Variants in MBNL2 observed in about 807,000 individuals in gnomAD.
The protein encoded by MBNL2 is muscleblind-like protein 2.
MBNL2 carries 17 observed loss-of-function variants against 41.9 expected under a neutral mutation model. The observed-to-expected ratio is 0.41, with a 90% confidence interval of 0.28 to 0.61. MBNL2 has a LOEUF of 0.61. Ranked by LOEUF, MBNL2 falls within the 20% of genes least tolerant of loss-of-function variation. MBNL2 has a pLI of 0.35. For synonymous variants in MBNL2, 195 were observed against 182.9 expected (o/e 1.07, Z -0.53); for missense variants, 336 against 505.6 (o/e 0.66, Z 3.22).
chr13:97,236,513 C>CTT (rs202101299), intron 1 of MBNL2, among the ~76,000 whole-genome samples: 34 of 138,042 alleles, frequency 2.5e-4, no homozygotes, highest in Admixed American at 8.7e-4. Flanking sequence ...GATATGTGGT[C>CTT]TTTTTTTTTT....
At chr13:97,337,607 C>T (rs1668033353) in intron 3 of MBNL2, among the ~76,000 whole-genome samples, 1 of 152,188 alleles carries the variant, frequency 6.6e-6, no homozygotes, top group Admixed American at 6.5e-5. Flanking sequence ...CCTCTGAGCC[C>T]CAGGCTCACA....
intron 2 of MBNL2, 127 bp downstream of exon 2, chr13:97,276,536 G>T (rs1308546300): frequency 1.7e-5 from 15 of 903,404 alleles, no homozygotes; most frequent in Admixed American, 4.9e-5. Flanking sequence ...TGTGGTGACT[G>T]TTGGGAGATT....
At chr13:97,207,213 A>C in the MBNL2 span, among the ~76,000 whole-genome samples, 1 of 152,228 alleles carries the variant, frequency 6.6e-6, no homozygotes, top group East Asian at 1.9e-4. Context: ...AGGTTAGGGG[A>C]TAGTCTTAAA....
At chr13:97,251,173 C>A (rs544627571) in intron 1 of MBNL2, among the ~76,000 whole-genome samples, 2 of 148,024 alleles carry the variant, frequency 1.4e-5, no homozygotes, top group Non-Finnish European at 3.0e-5. Context: ...ATGTAGAATG[C>A]GTGAGATCTA....
chr13:97,300,361 G>A (rs899995391), intron 2 of MBNL2, among the ~76,000 whole-genome samples: 2 of 152,160 alleles, frequency 1.3e-5, no homozygotes, highest in East Asian at 1.9e-4. Flanking sequence ...CATCCCCAAC[G>A]TTTTTGGCAT....
the MBNL2 span, among the ~76,000 whole-genome samples, chr13:97,204,560 T>C: frequency 6.6e-6 from 1 of 152,222 alleles, no homozygotes; most frequent in Non-Finnish European, 1.5e-5. Flanking sequence ...GAAGCATTTA[T>C]TTGCATAAAT....
chr13:97,170,105 A>C, the MBNL2 span, among the ~76,000 whole-genome samples: 1 of 152,208 alleles, frequency 6.6e-6, no homozygotes, highest in Non-Finnish European at 1.5e-5. Context: ...ATAGGGTTAC[A>C]TTGACCCCTT....
chr13:97,157,893 A>G, the MBNL2 span, among the ~76,000 whole-genome samples: 9 of 150,586 alleles, frequency 6.0e-5, no homozygotes, highest in Admixed American at 4.7e-4. Context: ...TTGGTATCAG[A>G]ATGATGCTGG....
intron 2 of MBNL2, among the ~76,000 whole-genome samples, chr13:97,284,504 C>T (rs752886744): frequency 9.9e-5 from 15 of 152,124 alleles, no homozygotes; most frequent in Admixed American, 2.6e-4. Context: ...GGGTTAAGGC[C>T]CTGCCCTTCT....
intron 5 of MBNL2, among the ~76,000 whole-genome samples, chr13:97,352,665 T>A (rs1478337903): frequency 1.3e-5 from 2 of 152,220 alleles, no homozygotes; most frequent in African/African-American, 2.4e-5. Flanking sequence ...AGTTAGCACA[T>A]GCTGTTGGAA....
chr13:97,167,830 G>C, the MBNL2 span, among the ~76,000 whole-genome samples: 3,278 of 151,986 alleles, frequency 0.022, 106 homozygotes, highest in African/African-American at 0.075. Context: ...TCTCAGAAAG[G>C]GTCTGTATCA....
intron 2 of MBNL2, among the ~76,000 whole-genome samples, chr13:97,325,918 C>A (rs919660953): frequency 5.3e-5 from 8 of 152,034 alleles, no homozygotes; most frequent in African/African-American, 1.7e-4. Context: ...GTTGCATTGG[C>A]CTAATAAGGA....
At chr13:97,264,148 C>G (rs554131127) in intron 1 of MBNL2, among the ~76,000 whole-genome samples, 1 of 151,914 alleles carries the variant, frequency 6.6e-6, no homozygotes, top group Non-Finnish European at 1.5e-5. Flanking sequence ...CTGCCTCAGC[C>G]TCCCGAGTAG....
chr13:97,186,606 A>C, the MBNL2 span, among the ~76,000 whole-genome samples: 15 of 152,162 alleles, frequency 9.9e-5, no homozygotes, highest in Non-Finnish European at 2.2e-4. Context: ...CAGAATGACT[A>C]TCTAACCATA....
chr13:97,150,251 C>A, the MBNL2 span, among the ~76,000 whole-genome samples: 5 of 152,194 alleles, frequency 3.3e-5, no homozygotes, highest in Admixed American at 3.3e-4. Flanking sequence ...CAGAGTTATC[C>A]ATGCTGAGAT....
At chr13:97,202,014 C>A in the MBNL2 span, among the ~76,000 whole-genome samples, 2 of 152,124 alleles carry the variant, frequency 1.3e-5, no homozygotes, top group Non-Finnish European at 2.9e-5. Context: ...CAGCTTGAGG[C>A]TGGACATTTA....
intron 5 of MBNL2, among the ~76,000 whole-genome samples, chr13:97,352,961 GA>G (rs1332070440): frequency 1.3e-5 from 2 of 152,304 alleles, no homozygotes; most frequent in East Asian, 3.9e-4. Context: ...GGCTGATGGG[GA>G]TAAGAGGGAA....
At chr13:97,312,213 A>G (rs1247476542) in intron 2 of MBNL2, among the ~76,000 whole-genome samples, 2 of 152,264 alleles carry the variant, frequency 1.3e-5, no homozygotes, top group Non-Finnish European at 1.5e-5. Flanking sequence ...ATGAAAATCA[A>G]TCAATGGAAT....
At chr13:97,236,549 A>G in intron 1 of MBNL2, among the ~76,000 whole-genome samples, 1 of 151,916 alleles carries the variant, frequency 6.6e-6, no homozygotes, top group East Asian at 1.9e-4. Flanking sequence ...AGTTTTAAAA[A>G]TGTAGCTGGC....
Sources: allele counts gnomAD v4.1 joint callset (sites outside exome capture counted in the v4.1 genomes callset), GRCh38; gene constraint gnomAD v4.1.1; transcripts MANE v1.5; gene names NCBI Gene and HGNC (gene_info 2026-07-23, HGNC 2026-07-21).